PWWP2A: variants seen among roughly 807,000 people sequenced by gnomAD.
PWWP2A encodes PWWP domain containing 2A, also known as PWWP domain-containing protein 2A.
In PWWP2A, 18 loss-of-function variants were observed where a neutral mutation model predicts 48.5. The ratio of observed to expected loss-of-function variants is 0.37; its 90% CI spans 0.26 to 0.55. PWWP2A has a LOEUF of 0.55. Among genes scored for constraint, PWWP2A ranks in the 20% least tolerant of loss-of-function variants. The pLI is 0.81. For missense variants in PWWP2A, 867 were observed against 976.4 expected, an observed-to-expected ratio of 0.89 and a Z score of 1.49; for synonymous variants, 396 against 387.7, an observed-to-expected ratio of 1.02 and a Z score of -0.25.
In PWWP2A at chr5:160,092,303, A is replaced by C; in HGVS notation, c.*79T>G. The C allele has an allele frequency of 6.9e-7, 1 of 1,454,014 alleles. No homozygotes were observed. The highest frequency in any genetic ancestry group is 1.5e-5 in the South Asian group (1 of 66,334). 90.1% of individuals were successfully genotyped at this position (1,454,014 alleles called of 1,614,324 possible). A position where few individuals can be genotyped will look rare whatever the true frequency, so the allele number is the denominator to read the frequency against. On this transcript the variant is annotated 3_prime_UTR_variant, in exon 2 of 2. Coordinates refer to ENST00000307063, the MANE Select transcript of PWWP2A (RefSeq NM_001130864.2). ...CTTCTCTCTCCAATCTGGCCACGCT[A>C]TTTTGTAGAAATTATTCCTAACTAG... is the stretch of plus-strand genomic sequence containing the variant.
In PWWP2A at chr5:160,078,127, G is replaced by C; in HGVS notation, c.*28C>G. On this transcript the variant is annotated 3_prime_UTR_variant, in exon 4 of 4. Transcript: ENST00000456329. The surrounding 1 kb of genome is among the most constrained non-coding windows in gnomAD (Gnocchi z 4.2). ...GCTCTGGTGTTCTCTGTGTCATTGT[G>C]GTACAGGTCCATGAAACCAGCAGCC... The C allele has an allele frequency of 6.5e-7, 1 of 1,546,706 alleles. No homozygotes were observed. The highest frequency in any genetic ancestry group is 8.8e-7 in the Non-Finnish European group (1 of 1,139,370).
downstream of PWWP2A, chr5:160,089,466 C>A: frequency 9.0e-7 from 1 of 1,111,072 alleles, no homozygotes; most frequent in South Asian, 1.5e-5. Context: ...CCCACCTTGG[C>A]CTTCCAAACT....
chr5:160,072,840 T>A (rs1346525924), downstream of PWWP2A, among the ~76,000 whole-genome samples: 1 of 151,336 alleles, frequency 6.6e-6, no homozygotes, highest in Non-Finnish European at 1.5e-5. Context: ...AATAAATGAA[T>A]AAGTAAATCA....
chr5:160,084,419 A>G (rs1256769715), intron 2 of PWWP2A, among the ~76,000 whole-genome samples: 1 of 152,036 alleles, frequency 6.6e-6, no homozygotes, highest in Admixed American at 6.5e-5. Flanking sequence ...ATTAAGCACT[A>G]CTGTTGCAAA....
intron 1 of PWWP2A, among the ~76,000 whole-genome samples, chr5:160,109,774 A>AATATAT (rs1223846862): frequency 1.7e-3 from 42 of 25,206 alleles, no homozygotes; most frequent in African/African-American, 3.5e-3. Flanking sequence ...AAAAAAAAAA[A>AATATAT]ATATATATAT....
At chr5:160,053,801 C>T in the PWWP2A span, among the ~76,000 whole-genome samples, 1 of 152,160 alleles carries the variant, frequency 6.6e-6, no homozygotes, top group Admixed American at 6.6e-5. Flanking sequence ...TATTCTTTAA[C>T]TTGTTTTTTC....
chr5:160,114,763 A>G (rs1267390836), intron 1 of PWWP2A, among the ~76,000 whole-genome samples: 1 of 69,350 alleles, frequency 1.4e-5, no homozygotes. Flanking sequence ...ACTCTGTCTC[A>G]AGGGTAAAAA....
chr5:160,054,605 C>CA, the PWWP2A span, among the ~76,000 whole-genome samples: 6 of 135,240 alleles, frequency 4.4e-5, no homozygotes, highest in East Asian at 4.2e-4. Flanking sequence ...GTCTCAAAAA[C>CA]AAAAAAAGAA....
chr5:160,112,078 G>A (rs1757633776), intron 1 of PWWP2A, among the ~76,000 whole-genome samples: 1 of 130,040 alleles, frequency 7.7e-6, no homozygotes, highest in Non-Finnish European at 1.5e-5. Context: ...AGTGAACTGT[G>A]AGTGTGCCAC....
At chr5:160,055,891 G>A in the PWWP2A span, among the ~76,000 whole-genome samples, 1 of 152,212 alleles carries the variant, frequency 6.6e-6, no homozygotes, top group Non-Finnish European at 1.5e-5. Flanking sequence ...AGAATGTGTG[G>A]TCTTCCAATT....
the PWWP2A span, among the ~76,000 whole-genome samples, chr5:160,051,480 C>T: frequency 1.3e-5 from 2 of 152,272 alleles, no homozygotes; most frequent in African/African-American, 4.8e-5. Flanking sequence ...CCTAGGATAC[C>T]ACCAACCTCG....
At chr5:160,050,855 A>T in the PWWP2A span, among the ~76,000 whole-genome samples, 1 of 152,094 alleles carries the variant, frequency 6.6e-6, no homozygotes, top group South Asian at 2.1e-4. Flanking sequence ...CAAACTCCTG[A>T]GCTCAAGCGA....
intron 1 of PWWP2A, among the ~76,000 whole-genome samples, chr5:160,099,326 T>A (rs1406219931): frequency 6.6e-6 from 1 of 152,206 alleles, no homozygotes; most frequent in East Asian, 1.9e-4. Flanking sequence ...TGTTAACGTA[T>A]TAGTGACTCC....
At chr5:160,060,005 G>T (rs1757656907), downstream of PWWP2A, among the ~76,000 whole-genome samples, 1 of 152,222 alleles carries the variant, frequency 6.6e-6, no homozygotes, top group Non-Finnish European at 1.5e-5. Flanking sequence ...GCCTGTATAA[G>T]AATTTCAACT....
intron 2 of PWWP2A, among the ~76,000 whole-genome samples, chr5:160,083,730 C>T (rs1754413679): frequency 1.3e-5 from 2 of 152,274 alleles, no homozygotes; most frequent in South Asian, 4.1e-4. Flanking sequence ...ATGTCTGAAC[C>T]AGAATTGCTC....
chr5:160,057,958 G>A (rs1757586765), downstream of PWWP2A, among the ~76,000 whole-genome samples: 1 of 152,144 alleles, frequency 6.6e-6, no homozygotes, highest in South Asian at 2.1e-4. This position sits in a 1 kb window ranked among gnomAD's most constrained non-coding sequence, Gnocchi z 4.4. Context: ...GTAGAGATGG[G>A]TTTTCACCAT....
At chr5:160,063,747 A>T (rs568313924) in intron 4 of PWWP2A, 37 of 152,296 alleles carry the variant, frequency 2.4e-4, no homozygotes, top group African/African-American at 8.7e-4. Context: ...AATTTTCTGG[A>T]ACATTCCTAG....
At chr5:160,080,003 A>G (rs1754117139) in intron 3 of PWWP2A, among the ~76,000 whole-genome samples, 1 of 152,232 alleles carries the variant, frequency 6.6e-6, no homozygotes, top group Non-Finnish European at 1.5e-5. Context: ...GTGCAAACAC[A>G]CAGAAATCCC....
At chr5:160,116,909 A>G (rs1159916152) in intron 1 of PWWP2A, 1 of 218,388 alleles carries the variant, frequency 4.6e-6, no homozygotes, top group Non-Finnish European at 7.8e-6. Context: ...CCTGACCAAC[A>G]TGGTGAAACC....
Sources: gnomAD v4.1 joint callset for allele counts (sites outside exome capture counted in the v4.1 genomes callset) on GRCh38, gnomAD v4.1.1 for gene constraint, Gnocchi (gnomAD v3.1) non-coding constraint, MANE v1.5 for transcripts, NCBI Gene and HGNC (gene_info 2026-07-23, HGNC 2026-07-21) for gene names.